The following PITPNM2 variants were observed in gnomAD, a reference collection of about 807,000 sequenced individuals.
PITPNM2 encodes phosphatidylinositol transfer protein membrane associated 2, also known as membrane-associated phosphatidylinositol transfer protein 2.
PITPNM2 carries 35 observed loss-of-function variants against 132.2 expected under a neutral mutation model. The ratio of observed to expected loss-of-function variants is 0.26; its 90% CI spans 0.20 to 0.35. PITPNM2 has a LOEUF of 0.35. PITPNM2 is among the 10% of genes least tolerant of loss of function. The pLI is 1.00. For synonymous variants in PITPNM2, 738 were observed against 799.2 expected (o/e 0.92, Z 1.29); for missense variants, 1,332 against 1,912.0 (o/e 0.70, Z 5.66).
At chr12:123,007,485 G>T in intron 6 of PITPNM2, 3 of 442,094 alleles carry the variant, frequency 6.8e-6, no homozygotes, top group Non-Finnish European at 1.4e-5. Context: ...ATGCTGAGCG[G>T]GTTTGCAAGC....
intron 1 of PITPNM2, among the ~76,000 whole-genome samples, chr12:123,135,769 C>T (rs749054543): frequency 7.9e-5 from 12 of 152,212 alleles, no homozygotes; most frequent in Admixed American, 2.0e-4. Flanking sequence ...TATTAACAGG[C>T]GAGATCATAG....
In PITPNM2 at chr12:123,003,069, G is replaced by A. The variant is rs561659743; in HGVS notation, c.1048+1325C>T. On this transcript the variant is annotated intron_variant, in intron 8 of 25. Transcript: ENST00000320201. ...CATTACTGTTAACTCTAGTCATCCA[G>A]CAGTGTCACAGAACTAGAACTCATT... Among the ~76,000 whole-genome samples the A allele has an allele frequency of 7.2e-5, 11 of 152,254 alleles. No homozygotes were observed. In the East Asian group the frequency reaches 1.9e-3, roughly 27 times the overall value.
upstream of PITPNM2, among the ~76,000 whole-genome samples, chr12:123,151,199 T>A (rs1359360066): frequency 7.0e-6 from 1 of 142,996 alleles, no homozygotes; most frequent in Non-Finnish European, 1.5e-5. Flanking sequence ...CTGCGGAGTC[T>A]CGGCCCGGCC....
chr12:123,028,407 G>C (rs2039943284), intron 3 of PITPNM2, among the ~76,000 whole-genome samples: 1 of 152,194 alleles, frequency 6.6e-6, no homozygotes, highest in African/African-American at 2.4e-5. Flanking sequence ...AGTGGGAAAT[G>C]ATGAACTAAG....
intron 2 of PITPNM2, among the ~76,000 whole-genome samples, chr12:123,050,125 G>A (rs566365922): frequency 1.3e-5 from 2 of 152,350 alleles, no homozygotes; most frequent in South Asian, 4.1e-4. Flanking sequence ...ACGTCAAACA[G>A]GACAACTGGA....
At chr12:123,136,759 T>G (rs1393652198) in intron 1 of PITPNM2, among the ~76,000 whole-genome samples, 1 of 152,060 alleles carries the variant, frequency 6.6e-6, no homozygotes, top group East Asian at 1.9e-4. Context: ...TAGCCAGGCA[T>G]GGTGGCAGGC....
At chr12:123,135,856 C>T (rs1444686290) in intron 1 of PITPNM2, among the ~76,000 whole-genome samples, 1 of 152,184 alleles carries the variant, frequency 6.6e-6, no homozygotes, top group Non-Finnish European at 1.5e-5. Flanking sequence ...CCACCCTACC[C>T]ATTTTGGGAT....
At chr12:123,144,215 A>G (rs537902148) in intron 1 of PITPNM2, among the ~76,000 whole-genome samples, 18 of 152,262 alleles carry the variant, frequency 1.2e-4, no homozygotes, top group Admixed American at 2.6e-4. Context: ...GTGCAGTGCC[A>G]CATTTTTGGC....
rs1423797045 is a variant in PITPNM2, at chr12:123,095,453, T to G, written c.-96+14932A>C. Among the ~76,000 whole-genome samples the G allele has an allele frequency of 1.3e-5, 2 of 152,172 alleles. No homozygotes were observed. Among genetic ancestry groups the G allele is most frequent in the African/African-American group, 4.8e-5 (2 of 41,438 alleles). On this transcript the variant is annotated intron_variant, in intron 2 of 25. Transcript: ENST00000320201. The surrounding 1 kb of genome is among the most constrained non-coding windows in gnomAD (Gnocchi z 5.0). Reference sequence around the variant, plus strand: ...TACAGGCTCTGTTAAAGCGCAAAGATCTTTCAGGTACTCAACAAAGCAAGA... The same window carrying G: ...TACAGGCTCTGTTAAAGCGCAAAGAGCTTTCAGGTACTCAACAAAGCAAGA...
In PITPNM2 at chr12:123,111,386, T is replaced by C. The variant is rs192007218; in HGVS notation, c.-199-898A>G. ...CTGATGCCCAATTCCAGGGCAACCC[T>C]GCTTTAGGAGCTGAGGACAGGCATG... On this transcript the variant is annotated intron_variant, in intron 1 of 25. Coordinates refer to ENST00000320201, the MANE Select transcript of PITPNM2 (RefSeq NM_020845.3). The surrounding 1 kb of genome is among the most constrained non-coding windows in gnomAD (Gnocchi z 4.1). 6.6e-6 allele frequency among the ~76,000 whole-genome samples: 1 copy of C among 152,346 alleles called. No homozygotes were observed. The highest frequency in any genetic ancestry group is 1.9e-4 in the East Asian group (1 of 5,186).
chr12:123,085,462 A>T (rs1328486648), intron 2 of PITPNM2, among the ~76,000 whole-genome samples: 4 of 152,156 alleles, frequency 2.6e-5, no homozygotes, highest in Non-Finnish European at 4.4e-5. Flanking sequence ...CATCTAGAAG[A>T]CGCAAATCCA....
intron 2 of PITPNM2, among the ~76,000 whole-genome samples, chr12:123,044,894 T>C (rs892278655): frequency 2.0e-5 from 3 of 152,172 alleles, no homozygotes; most frequent in Admixed American, 6.5e-5. Context: ...TCAAGCGATC[T>C]TCCTGCCTCA....
intron 10 of PITPNM2, among the ~76,000 whole-genome samples, chr12:122,999,722 G>A (rs1344352198): frequency 6.6e-6 from 1 of 152,190 alleles, no homozygotes; most frequent in Admixed American, 6.5e-5. Flanking sequence ...CCCTGCAGCT[G>A]TAGAGGCATC....
At chr12:123,038,249 C>T (rs552583082) in intron 2 of PITPNM2, among the ~76,000 whole-genome samples, 1 of 152,226 alleles carries the variant, frequency 6.6e-6, no homozygotes, top group Non-Finnish European at 1.5e-5. Context: ...AAGGAAAAAA[C>T]AAATAAATCG....
intron 3 of PITPNM2, among the ~76,000 whole-genome samples, chr12:123,018,016 CT>C: frequency 2.9e-5 from 4 of 140,166 alleles, no homozygotes; most frequent in African/African-American, 1.1e-4. Context: ...TCCTTCCTTC[CT>C]TCCTTCCTTC....
intron 2 of PITPNM2, among the ~76,000 whole-genome samples, chr12:123,109,754 G>C (rs2042797326): frequency 1.3e-5 from 2 of 152,316 alleles, no homozygotes; most frequent in South Asian, 2.1e-4. Flanking sequence ...AAACAGAAAA[G>C]AGCCACTCTG....
At chr12:122,988,992 A>C in intron 18 of PITPNM2, 120 bp from the exon 19 acceptor site, 6 of 1,138,484 alleles carry the variant, frequency 5.3e-6, no homozygotes, top group Non-Finnish European at 7.1e-6. Context: ...CTATAGCCAA[A>C]AGTGAGTCTT....
intron 3 of PITPNM2, among the ~76,000 whole-genome samples, chr12:123,032,164 C>T (rs1372250756): frequency 6.6e-6 from 1 of 152,218 alleles, no homozygotes; most frequent in East Asian, 1.9e-4. Context: ...TCATTCGAGG[C>T]ATAAGGATAG....
intron 3 of PITPNM2, among the ~76,000 whole-genome samples, chr12:123,020,694 C>A (rs1217111468): frequency 6.6e-6 from 1 of 151,880 alleles, no homozygotes; most frequent in East Asian, 1.9e-4. Context: ...TAGCTGAGGG[C>A]AAAGGAGAGA....
Sources: gnomAD v4.1 joint callset for allele counts (sites outside exome capture counted in the v4.1 genomes callset) on GRCh38, gnomAD v4.1.1 for gene constraint, Gnocchi (gnomAD v3.1) non-coding constraint, MANE v1.5 for transcripts, NCBI Gene and HGNC (gene_info 2026-07-23, HGNC 2026-07-21) for gene names.